Variants in NUP93 observed in about 807,000 individuals in gnomAD.
NUP93 encodes nucleoporin 93.
A neutral mutation model predicts 107.8 loss-of-function variants in NUP93; 55 were observed. The observed-to-expected ratio is 0.51, with a 90% CI of 0.41 to 0.64. The LOEUF is 0.64. NUP93 is among the 30% of genes least tolerant of loss of function. The pLI, the probability that NUP93 is intolerant of heterozygous loss-of-function variation, is 0.00. For missense variants in NUP93, 937 were observed against 1,044.7 expected, an observed-to-expected ratio of 0.90 and a Z score of 1.42; for synonymous variants, 390 against 397.5, an observed-to-expected ratio of 0.98 and a Z score of 0.22.
At chr16:56,843,658 T>G (rs1396510930) in intron 21 of NUP93, among the ~76,000 whole-genome samples, 5 of 152,208 alleles carry the variant, frequency 3.3e-5, no homozygotes, top group African/African-American at 9.7e-5. Context: ...CAGTGGATAT[T>G]CACATCACAA....
chr16:56,773,517 T>C (rs1234368641), intron 3 of NUP93, among the ~76,000 whole-genome samples: 1 of 152,356 alleles, frequency 6.6e-6, no homozygotes, highest in African/African-American at 2.4e-5. Context: ...TCCATTCCTC[T>C]CCTGCCCTGA....
intron 3 of NUP93, among the ~76,000 whole-genome samples, chr16:56,775,625 T>G (rs1352544601): frequency 1.3e-5 from 2 of 152,210 alleles, no homozygotes; most frequent in African/African-American, 4.8e-5. Flanking sequence ...GGCCATTGTT[T>G]TTAAAACCAT....
chr16:56,767,902 G>T (rs1183058723), intron 3 of NUP93, among the ~76,000 whole-genome samples: 3 of 152,196 alleles, frequency 2.0e-5, no homozygotes, highest in African/African-American at 7.2e-5. Flanking sequence ...CATTCAAAAG[G>T]TGCTTTTACT....
At chr16:56,783,947 T>C (rs1285401492) in intron 3 of NUP93, 4 of 909,358 alleles carry the variant, frequency 4.4e-6, no homozygotes, top group African/African-American at 1.8e-5. Context: ...AAATAGACTT[T>C]TAAATGAACG....
chr16:56,824,923 G>A (rs1341294476), intron 8 of NUP93, among the ~76,000 whole-genome samples: 1 of 152,108 alleles, frequency 6.6e-6, no homozygotes, highest in African/African-American at 2.4e-5. Flanking sequence ...TCATCCAAGC[G>A]TTAGCTGAAT....
At chr16:56,757,644 A>G (rs912765797) in intron 2 of NUP93, among the ~76,000 whole-genome samples, 3 of 152,194 alleles carry the variant, frequency 2.0e-5, no homozygotes, top group African/African-American at 7.2e-5. Flanking sequence ...TGGCTATATT[A>G]TTCCCATTTC....
chr16:56,737,957 A>G (rs1374170710), intron 1 of NUP93, among the ~76,000 whole-genome samples: 1 of 152,226 alleles, frequency 6.6e-6, no homozygotes, highest in Non-Finnish European at 1.5e-5. Context: ...GCCAGAGCCA[A>G]AGCCACAGGC....
chr16:56,810,304 A>G (rs1378323858), intron 5 of NUP93, among the ~76,000 whole-genome samples: 1 of 152,124 alleles, frequency 6.6e-6, no homozygotes, highest in Non-Finnish European at 1.5e-5. Context: ...CCTGATGTAT[A>G]ACGTATAGAT....
chr16:56,786,547 A>T (rs1369429861), intron 3 of NUP93, among the ~76,000 whole-genome samples: 16 of 152,232 alleles, frequency 1.1e-4, no homozygotes, highest in Admixed American at 6.5e-5. Flanking sequence ...GTTCATTTTC[A>T]GCTGTGCCAG....
intron 10 of NUP93, chr16:56,831,569 C>G: frequency 2.7e-6 from 1 of 365,638 alleles, no homozygotes; most frequent in East Asian, 5.7e-5. Flanking sequence ...CTGGGTTGTG[C>G]AATGGAGTTC....
intron 7 of NUP93, among the ~76,000 whole-genome samples, chr16:56,822,194 A>G (rs1268473170): frequency 6.6e-6 from 1 of 151,586 alleles, no homozygotes; most frequent in East Asian, 1.9e-4. Context: ...GCAAGCACCC[A>G]TACACAGATT....
At chr16:56,842,564 T>C (rs1385360845) in intron 21 of NUP93, 5 of 451,444 alleles carry the variant, frequency 1.1e-5, no homozygotes, top group South Asian at 6.2e-5. Flanking sequence ...GCTTTTTTTT[T>C]TTTTTTGAGG....
At position 56,771,653 on chromosome 16, in the gene NUP93, G is replaced by A. The variant is rs982620287; in HGVS notation, c.297+12998G>A. Among the ~76,000 whole-genome samples, 3 of 152,188 alleles carry A rather than the reference G, an allele frequency of 2.0e-5. No individual in the cohort carries two copies. In the East Asian group the frequency reaches 5.8e-4, roughly 29 times the overall value. On this transcript the variant is annotated intron_variant, in intron 3 of 21. Transcript: ENST00000308159. ...ATGCTACTTAGAAGAGTAATTTGGC[G>A]TGATTGGCTTCTGTGGACTGTGCAC...
At position 56,734,199 on chromosome 16, in the gene NUP93, G is replaced by A. The variant is rs140126769; in HGVS notation, c.-15+3988G>A. Among the ~76,000 whole-genome samples, 1,189 of 152,334 alleles carry A rather than the reference G, an allele frequency of 7.8e-3. 2 individuals carry two copies. Among genetic ancestry groups the A allele is most frequent in the Non-Finnish European group, 0.011 (761 of 68,034 alleles). ...GAAATGTGGTAGAGTGGACGGTGGGGCTGCTTTAGCTGGGGTGTGCTGAGA... is the reference window on the plus strand; with the variant it reads ...GAAATGTGGTAGAGTGGACGGTGGGACTGCTTTAGCTGGGGTGTGCTGAGA... On this transcript the variant is annotated intron_variant, in intron 1 of 21. Transcript: ENST00000308159.
At chr16:56,780,517 G>C (rs994545873) in intron 3 of NUP93, among the ~76,000 whole-genome samples, 2 of 152,112 alleles carry the variant, frequency 1.3e-5, no homozygotes, top group Non-Finnish European at 2.9e-5. Flanking sequence ...AGGCAGAAAT[G>C]TCTGAAACAT....
intron 3 of NUP93, among the ~76,000 whole-genome samples, chr16:56,776,935 CAT>C (rs1962425908): frequency 6.6e-6 from 1 of 152,222 alleles, no homozygotes; most frequent in African/African-American, 2.4e-5. Context: ...AACTTCTTCA[CAT>C]ATTCTGCAAG....
chr16:56,791,882 A>G (rs963793633), intron 3 of NUP93, among the ~76,000 whole-genome samples: 11 of 152,214 alleles, frequency 7.2e-5, no homozygotes, highest in African/African-American at 2.4e-4. Context: ...TTGGAACACT[A>G]TGGTGTTGAC....
chr16:56,799,287 C>T (rs1374904466), intron 4 of NUP93, among the ~76,000 whole-genome samples: 5 of 152,094 alleles, frequency 3.3e-5, no homozygotes, highest in South Asian at 2.1e-4. Flanking sequence ...AGCACACACG[C>T]GAAACTAGCT....
chr16:56,837,406 T>C (rs1487989545), intron 17 of NUP93, among the ~76,000 whole-genome samples: 3 of 152,114 alleles, frequency 2.0e-5, no homozygotes, highest in Non-Finnish European at 2.9e-5. Flanking sequence ...CTACTAAAAA[T>C]ATAAAAATTA....
Sources: allele counts gnomAD v4.1 joint callset (sites outside exome capture counted in the v4.1 genomes callset), GRCh38; gene constraint gnomAD v4.1.1; transcripts MANE v1.5; gene names NCBI Gene and HGNC (gene_info 2026-07-23, HGNC 2026-07-21).